The following PTTG1IP variants were observed in gnomAD, a reference collection of about 807,000 sequenced individuals.
PTTG1IP encodes the protein pituitary tumor-transforming gene 1 protein-interacting protein.
A neutral mutation model predicts 24.4 loss-of-function variants in PTTG1IP; 16 were observed. The ratio of observed to expected loss-of-function variants is 0.66; its 90% confidence interval spans 0.44 to 1.00. The LOEUF is 1.00. Among genes scored for constraint, PTTG1IP ranks in the 50% least tolerant of loss-of-function variants. PTTG1IP has a pLI of 0.00. For synonymous variants in PTTG1IP, 89 were observed against 96.8 expected (o/e 0.92, Z 0.47); for missense variants, 241 against 245.8 (o/e 0.98, Z 0.13).
intron 5 of PTTG1IP, among the ~76,000 whole-genome samples, chr21:44,853,178 G>A (rs2083423336): frequency 6.6e-6 from 1 of 152,182 alleles, no homozygotes; most frequent in African/African-American, 2.4e-5. Context: ...GTGCGCGTGT[G>A]CGTGTGTGTG....
chr21:44,853,939 C>A lies in PTTG1IP; in HGVS notation c.496+1271G>T, dbSNP rs553467146. Among the ~76,000 whole-genome samples, 3 of 152,342 alleles carry A rather than the reference C, an allele frequency of 2.0e-5. No individual in the cohort carries two copies. The South Asian group carries it at 6.2e-4, about 32-fold the overall frequency. On this transcript the variant is annotated intron_variant, in intron 5 of 5. Coordinates refer to ENST00000330938, the MANE Select transcript of PTTG1IP (RefSeq NM_004339.4). ...GAGACCGGCAGGACTCACGTGGCCT[C>A]AGGTCACAGCACAGTCACATGGAGG...
chr21:44,854,324 C>T (rs892610046), intron 5 of PTTG1IP, among the ~76,000 whole-genome samples: 1 of 152,260 alleles, frequency 6.6e-6, no homozygotes, highest in Non-Finnish European at 1.5e-5. Context: ...CTTTAATATA[C>T]TGCTTCAAGG....
intron 5 of PTTG1IP, among the ~76,000 whole-genome samples, chr21:44,854,018 C>T (rs2083430301): frequency 6.6e-6 from 1 of 152,150 alleles, no homozygotes; most frequent in Non-Finnish European, 1.5e-5. Context: ...GGCCAGTGGG[C>T]AGAGCCACCC....
Position 44,856,218 on chromosome 21 carries a change from C to T in PTTG1IP, c.424G>A (p.Glu142Lys), listed in dbSNP as rs774483315. 1 of 1,614,200 alleles carries T rather than the reference C, an allele frequency of 6.2e-7. No individual in the cohort carries two copies. The highest frequency in any genetic ancestry group is 8.5e-7 in the Non-Finnish European group (1 of 1,180,012). ...CGTTCCTCCTGCCGTATCCGCCTCT[C>T]CTCCCGCTCACGCATGGCCTTCTCC... ...SEEKAMRERE[E>K]RRIRQEERRA... The change falls in exon 4 of 6, where the codon GAG (glutamate) becomes AAG (lysine). Residue 142 changes from glutamate (E) to lysine (K), a missense_variant. Coordinates refer to ENST00000330938, the MANE Select transcript of PTTG1IP (RefSeq NM_004339.4).
chr21:44,861,864 A>G (rs879752362), intron 2 of PTTG1IP: 16 of 717,190 alleles, frequency 2.2e-5, no homozygotes, highest in African/African-American at 1.0e-4. Context: ...TGTTGAATGG[A>G]CTTGGGTGAG....
chr21:44,873,322 T>G (rs1398004523), intron 1 of PTTG1IP, among the ~76,000 whole-genome samples, 180 bp downstream of exon 1: 1 of 151,966 alleles, frequency 6.6e-6, no homozygotes, highest in Non-Finnish European at 1.5e-5. Flanking sequence ...CGACGGCAGC[T>G]CCCGCGGCCG....
At chr21:44,868,621 A>G (rs1488461730) in intron 1 of PTTG1IP, among the ~76,000 whole-genome samples, 2 of 152,240 alleles carry the variant, frequency 1.3e-5, no homozygotes, top group Non-Finnish European at 1.5e-5. Flanking sequence ...GTGAACATCA[A>G]AATAAATGAT....
intron 4 of PTTG1IP, among the ~76,000 whole-genome samples, chr21:44,855,816 G>A (rs904450014): frequency 2.0e-5 from 3 of 152,138 alleles, no homozygotes; most frequent in East Asian, 1.9e-4. Context: ...GGGAAAGGGC[G>A]ACAGGAGAGC....
chr21:44,854,330 C>T (rs2053736937), intron 5 of PTTG1IP, among the ~76,000 whole-genome samples: 1 of 152,246 alleles, frequency 6.6e-6, no homozygotes, highest in Admixed American at 6.5e-5. Context: ...TATACTGCTT[C>T]AAGGAAAGCA....
Position 44,859,224 on chromosome 21 carries a change from C to T in PTTG1IP, c.277+1939G>A, listed in dbSNP as rs550379546. 7.2e-5 allele frequency among the ~76,000 whole-genome samples: 11 copies of T among 152,302 alleles called. 1 individual carries two copies. The highest frequency in any genetic ancestry group is 1.9e-4 in the East Asian group (1 of 5,190). On this transcript the variant is annotated intron_variant, in intron 3 of 5. Coordinates refer to ENST00000330938, the MANE Select transcript of PTTG1IP (RefSeq NM_004339.4). ...GCACAGGATTTCCTCCACATAAAGG[C>T]GGGAACCAGTAACATTAATCTGTGG...
At chr21:44,856,149 TC>T in intron 4 of PTTG1IP, 43 bp downstream of exon 4, 4 of 1,613,590 alleles carry the variant, frequency 2.5e-6, no homozygotes, top group Non-Finnish European at 3.4e-6. Flanking sequence ...CAGATCTGAA[TC>T]CCCTCGAAGT....
intron 1 of PTTG1IP, among the ~76,000 whole-genome samples, chr21:44,867,032 C>G (rs1199047720): frequency 3.3e-5 from 5 of 152,198 alleles, no homozygotes; most frequent in African/African-American, 1.2e-4. Context: ...CGCAGGAAGG[C>G]TCCGTGACAG....
intron 1 of PTTG1IP, among the ~76,000 whole-genome samples, chr21:44,869,001 T>A: frequency 6.6e-6 from 1 of 152,210 alleles, no homozygotes; most frequent in East Asian, 1.9e-4. Context: ...TGACAGCATG[T>A]GCCTCCCACG....
chr21:44,867,542 G>T (rs1295400115), intron 1 of PTTG1IP, among the ~76,000 whole-genome samples: 2 of 152,210 alleles, frequency 1.3e-5, no homozygotes, highest in Non-Finnish European at 2.9e-5. Context: ...ATTCCCGTAA[G>T]AAAAATGTAT....
intron 2 of PTTG1IP, 116 bp downstream of exon 2, chr21:44,865,279 A>G: frequency 9.4e-7 from 1 of 1,061,540 alleles, no homozygotes; most frequent in Non-Finnish European, 1.4e-6. Flanking sequence ...CATCCCCCCA[A>G]ATCCCAAACA....
intron 4 of PTTG1IP, 84 bp from the exon 5 acceptor site, chr21:44,855,340 TG>T: frequency 7.0e-7 from 1 of 1,431,496 alleles, no homozygotes. Context: ...TGTCCCTCAG[TG>T]GGGGCGCCAG....
At chr21:44,870,802 A>T (rs535474814) in intron 1 of PTTG1IP, among the ~76,000 whole-genome samples, 95 of 152,312 alleles carry the variant, frequency 6.2e-4, no homozygotes, top group Admixed American at 1.2e-3. Flanking sequence ...TTGTTTCCGA[A>T]ATTAAAGGAA....
chr21:44,871,798 G>A (rs1402100127), intron 1 of PTTG1IP, among the ~76,000 whole-genome samples: 1 of 152,118 alleles, frequency 6.6e-6, no homozygotes, highest in Admixed American at 6.5e-5. Flanking sequence ...AACATGACAC[G>A]GCACCATTCT....
At chr21:44,866,835 A>AC (rs1311531231) in intron 1 of PTTG1IP, among the ~76,000 whole-genome samples, 3 of 152,244 alleles carry the variant, frequency 2.0e-5, no homozygotes, top group Non-Finnish European at 2.9e-5. Context: ...GACAATACCA[A>AC]ATGTTGGCAA....
Sources: allele counts gnomAD v4.1 joint callset (sites outside exome capture counted in the v4.1 genomes callset), GRCh38; gene constraint gnomAD v4.1.1; transcripts MANE v1.5; gene names NCBI Gene and HGNC (gene_info 2026-07-23, HGNC 2026-07-21).